The following NLRP11 variants were observed in gnomAD, a reference collection of about 807,000 sequenced individuals.
NLRP11 encodes the protein NACHT, LRR and PYD domains-containing protein 11.
NLRP11 carries 53 observed loss-of-function variants against 79.3 expected under a neutral mutation model. That is an observed-to-expected ratio of 0.67 (90% CI 0.54 to 0.84). NLRP11 has a LOEUF of 0.84. Ranked by LOEUF, NLRP11 falls within the 40% of genes least tolerant of loss-of-function variation. The pLI, the probability that NLRP11 is intolerant of heterozygous loss-of-function variation, is 0.00. For missense variants in NLRP11, 1,264 were observed against 1,255.0 expected (o/e 1.01, Z -0.11); for synonymous variants, 518 against 462.6 (o/e 1.12, Z -1.54).
chr19:55,810,740 C>T (rs1980528081), intron 2 of NLRP11, among the ~76,000 whole-genome samples: 1 of 152,184 alleles, frequency 6.6e-6, no homozygotes, highest in African/African-American at 2.4e-5. Flanking sequence ...TCAGGTGATC[C>T]ACCTGCCTTG....
At chr19:55,804,084 A>C (rs1468591125) in intron 4 of NLRP11, among the ~76,000 whole-genome samples, 1 of 151,228 alleles carries the variant, frequency 6.6e-6, no homozygotes, top group Admixed American at 6.6e-5. Context: ...TCCACCTCGA[A>C]AAACAAATTA....
At chr19:55,792,521 G>A in intron 6 of NLRP11, 50 bp from the exon 7 acceptor site, 1 of 1,520,140 alleles carries the variant, frequency 6.6e-7, no homozygotes. Flanking sequence ...CCAGAGAGGG[G>A]AGCACCTGAG....
Position 55,792,512 on chromosome 19 carries a change from CAG to C in NLRP11, c.2343-43_2343-42del, listed in dbSNP as rs775921345. ...AGTGAGTCAGTGACAGTGTGAGCACCAGAGAGGGGAGCACCTGAGACCACCCA... is the reference window on the plus strand; with the variant it reads ...AGTGAGTCAGTGACAGTGTGAGCACCAGAGGGGAGCACCTGAGACCACCCA... On this transcript the variant is annotated intron_variant, in intron 6 of 9. Coordinates refer to ENST00000589093, the Ensembl canonical transcript of NLRP11. 5 of 1,577,712 alleles carry C rather than the reference CAG, an allele frequency of 3.2e-6. No individual in the cohort carries two copies. In the East Asian group the frequency reaches 1.1e-4, roughly 35 times the overall value.
chr19:55,792,818 C>T (rs930946486), intron 6 of NLRP11, among the ~76,000 whole-genome samples: 1 of 152,164 alleles, frequency 6.6e-6, no homozygotes, highest in Non-Finnish European at 1.5e-5. Context: ...TAAAAACTCA[C>T]TTTGAAAGAG....
intron 4 of NLRP11, among the ~76,000 whole-genome samples, chr19:55,807,225 C>T (rs1229550889): frequency 6.6e-6 from 1 of 152,088 alleles, no homozygotes; most frequent in Non-Finnish European, 1.5e-5. Flanking sequence ...TTCCAGAATC[C>T]TAAGATCATA....
intron 1 of NLRP11, among the ~76,000 whole-genome samples, chr19:55,827,761 A>G (rs1294176744): frequency 1.3e-5 from 2 of 151,660 alleles, no homozygotes; most frequent in Non-Finnish European, 2.9e-5. Flanking sequence ...AAAAGTCAGG[A>G]AACAACAGGT....
intron 2 of NLRP11, among the ~76,000 whole-genome samples, chr19:55,815,699 A>G (rs886215314): frequency 1.3e-5 from 2 of 152,210 alleles, no homozygotes; most frequent in African/African-American, 4.8e-5. Context: ...CCATTTGTGT[A>G]TAAAGACATG....
intron 8 of NLRP11, 113 bp downstream of exon 8, chr19:55,789,116 C>T: frequency 7.2e-7 from 1 of 1,388,806 alleles, no homozygotes; most frequent in South Asian, 1.3e-5. Flanking sequence ...AGTCCCATTT[C>T]AAACACTAGA....
chr19:55,792,506 G>A (rs768639214), intron 6 of NLRP11, 35 bp from the exon 7 acceptor site: 2 of 1,590,654 alleles, frequency 1.3e-6, no homozygotes, highest in East Asian at 4.5e-5. Flanking sequence ...GTGACAGTGT[G>A]AGCACCAGAG....
rs550009991 is a variant in NLRP11, at chr19:55,785,580, G to T, written c.*45C>A. ...ATAGTCCTAATTCTCTTGCATCCCA[G>T]TCACGGTAGTAATTTATAATAAATA... is the stretch of plus-strand genomic sequence containing the variant. On this transcript the variant is annotated 3_prime_UTR_variant, in exon 10 of 10. Transcript: ENST00000589093. The T allele has an allele frequency of 3.6e-5, 56 of 1,551,324 alleles. No homozygotes were observed. The South Asian group carries it at 6.3e-4, about 17-fold the overall frequency.
At chr19:55,819,286 C>G (rs981709162) in intron 1 of NLRP11, among the ~76,000 whole-genome samples, 1 of 152,112 alleles carries the variant, frequency 6.6e-6, no homozygotes, top group Non-Finnish European at 1.5e-5. Context: ...GGCCAGGCTC[C>G]TGCTGTAAGA....
At chr19:55,786,352 C>T (rs1038598525) in intron 9 of NLRP11, among the ~76,000 whole-genome samples, 2 of 152,048 alleles carry the variant, frequency 1.3e-5, no homozygotes, top group Non-Finnish European at 1.5e-5. Flanking sequence ...GCCAAAACCC[C>T]ATCTCTACCA....
Position 55,809,646 on chromosome 19 carries a change from C to G in NLRP11, c.964G>C (p.Ala322Pro), listed in dbSNP as rs1980390346. The change falls in exon 3 of 10, where the codon GCC becomes CCC. Residue 322 changes from alanine to proline, a missense_variant. Physicochemically the swap from Ala to Pro is conservative, Grantham distance 27. Transcript: ENST00000589093. This position sits in a 1 kb window ranked among gnomAD's most constrained non-coding sequence, Gnocchi z 4.5. ...TCATCCTCATGTACAAGCTGGAGGGCTGCCGACGCCCTCTGGCGGTCTTTA... is the reference window on the plus strand; with the variant it reads ...TCATCCTCATGTACAAGCTGGAGGGGTGCCGACGCCCTCTGGCGGTCTTTA... The G allele has an allele frequency of 1.9e-6, 3 of 1,614,208 alleles. No individual in the cohort carries two copies. Among genetic ancestry groups the G allele is most frequent in the Non-Finnish European group, 2.5e-6 (3 of 1,180,030 alleles).
At chr19:55,805,257 T>A (rs996872747) in intron 4 of NLRP11, among the ~76,000 whole-genome samples, 2 of 151,852 alleles carry the variant, frequency 1.3e-5, no homozygotes, top group African/African-American at 2.4e-5. Context: ...GTTAGGAATC[T>A]CCAACTCAAC....
rs1386115057 is a variant in NLRP11 at position 55,809,612 on chromosome 19, A to G, written c.998T>C (p.Val333Ala). 4 of 1,614,096 alleles carry G rather than the reference A, an allele frequency of 2.5e-6. No homozygotes were observed. The highest frequency in any genetic ancestry group is 2.2e-5 in the East Asian group (1 of 44,890). ...TAAGATGGCGACTCGGCACAGACCC[A>G]CGAGTATTTCATCCTCATGTACAAG... Residue 333 changes from valine to alanine, a missense_variant, in exon 3 of 10, where the codon GTG (valine) becomes GCG (alanine). Coordinates refer to ENST00000589093, the Ensembl canonical transcript of NLRP11. The surrounding 1 kb of genome is among the most constrained non-coding windows in gnomAD (Gnocchi z 4.5).
chr19:55,802,548 TGGAGA>T (rs1468706227), intron 4 of NLRP11, among the ~76,000 whole-genome samples: 1 of 152,110 alleles, frequency 6.6e-6, no homozygotes, highest in Non-Finnish European at 1.5e-5. Context: ...TCCATGCTCA[TGGAGA>T]GAAGAATCAA....
chr19:55,810,357 G>A lies in NLRP11; in HGVS notation c.272-19C>T. ...TGATTGCCTAATCCAGCGAGTACAG[G>A]GCAGAAAATACAGAACAAAGATGAA... On this transcript the variant is annotated intron_variant, in intron 2 of 9. Transcript: ENST00000589093. 6.3e-7 allele frequency: 1 copy of A among 1,576,312 alleles called. No individual in the cohort carries two copies. The highest frequency in any genetic ancestry group is 8.6e-7 in the Non-Finnish European group (1 of 1,160,884).
At chr19:55,823,029 G>A (rs1198561288) in intron 1 of NLRP11, among the ~76,000 whole-genome samples, 3 of 150,272 alleles carry the variant, frequency 2.0e-5, no homozygotes, top group Admixed American at 6.6e-5. Flanking sequence ...CAGCTTTGAA[G>A]AGAGCAGTGG....
At chr19:55,819,186 CACAG>C (rs1981446362) in intron 1 of NLRP11, among the ~76,000 whole-genome samples, 2 of 135,766 alleles carry the variant, frequency 1.5e-5, no homozygotes, top group African/African-American at 2.8e-5. Flanking sequence ...CACACACACA[CACAG>C]GTTGCCTCTT....
Sources: gnomAD v4.1 joint callset for allele counts (sites outside exome capture counted in the v4.1 genomes callset) on GRCh38, gnomAD v4.1.1 for gene constraint, Gnocchi (gnomAD v3.1) non-coding constraint, MANE v1.5 for transcripts, NCBI Gene and HGNC (gene_info 2026-07-23, HGNC 2026-07-21) for gene names.